LYST: variants seen among roughly 807,000 people sequenced by gnomAD.
LYST encodes the protein lysosomal-trafficking regulator.
A neutral mutation model predicts 413.6 loss-of-function variants in LYST; 192 were observed. The observed-to-expected ratio is 0.46, with a 90% CI of 0.41 to 0.52. The LOEUF is 0.52. Among genes scored for constraint, LYST ranks in the 20% least tolerant of loss-of-function variants. LYST has a pLI of 0.00. For synonymous variants in LYST, 1,525 were observed against 1,567.3 expected (o/e 0.97, Z 0.64); for missense variants, 3,815 against 4,499.9 (o/e 0.85, Z 4.35).
At chr1:235,673,863 C>T (rs1659165665) in intron 50 of LYST, among the ~76,000 whole-genome samples, 1 of 152,148 alleles carries the variant, frequency 6.6e-6, no homozygotes, top group African/African-American at 2.4e-5. Flanking sequence ...AACTGGGTAC[C>T]AAGATATAAA....
chr1:235,870,521 T>TGCC (rs1356149833), upstream of LYST, among the ~76,000 whole-genome samples: 1 of 152,238 alleles, frequency 6.6e-6, no homozygotes, highest in Non-Finnish European at 1.5e-5. Context: ...CTCAGAAGGC[T>TGCC]GCCTGATTCA....
At chr1:235,829,361 T>C (rs1341329987) in intron 3 of LYST, 2 of 152,210 alleles carry the variant, frequency 1.3e-5, no homozygotes, top group Non-Finnish European at 2.9e-5. Context: ...CAAAATGCTT[T>C]CACAGCAAAG....
At chr1:235,720,624 T>C (rs779555122) in intron 40 of LYST, 37 bp downstream of exon 40, 3 of 1,605,080 alleles carry the variant, frequency 1.9e-6, no homozygotes, top group Non-Finnish European at 2.6e-6. Flanking sequence ...AACATATGGA[T>C]GGATGAACCC....
At chr1:235,737,878 A>T (rs981830355) in intron 31 of LYST, 60 of 1,105,896 alleles carry the variant, frequency 5.4e-5, no homozygotes, top group Non-Finnish European at 5.9e-5. Context: ...GACTGACTGT[A>T]TTTAAAGGTA....
intron 46 of LYST, among the ~76,000 whole-genome samples, chr1:235,695,882 G>T (rs974256218): frequency 6.6e-6 from 1 of 151,956 alleles, no homozygotes; most frequent in East Asian, 1.9e-4. Context: ...TGATCTGCCC[G>T]CCTCAGCTTT....
chr1:235,809,811 G>T lies in LYST; in HGVS notation c.1007C>A (p.Ser336Ter). 1 of 1,613,932 alleles carries T rather than the reference G, an allele frequency of 6.2e-7. No homozygotes were observed. Among genetic ancestry groups the T allele is most frequent in the Non-Finnish European group, 8.5e-7 (1 of 1,179,960 alleles). ...CATCTCTGCAGTACTAACATCTACT[G>T]ACAGAAGATGCAACACTGTTCGAAA... ...MLFRTVLHLL[S>*]VDVSTAEMMP... The change falls in exon 5 of 53, where the codon TCA becomes TAA. Residue 336 changes from serine to a stop codon, truncating the protein, a stop_gained. Coordinates refer to ENST00000389793, the MANE Select transcript of LYST (RefSeq NM_000081.4). LOFTEE classifies it high-confidence loss of function. The surrounding 1 kb of genome is among the most constrained non-coding windows in gnomAD (Gnocchi z 4.0).
intron 1 of LYST, among the ~76,000 whole-genome samples, chr1:235,875,881 AG>A (rs1396017327): frequency 6.6e-6 from 1 of 152,116 alleles, no homozygotes; most frequent in Non-Finnish European, 1.5e-5. Flanking sequence ...AATGTACTAA[AG>A]GCATGATCTT....
At chr1:235,692,397 T>A (rs1044562783) in intron 47 of LYST, among the ~76,000 whole-genome samples, 4 of 151,566 alleles carry the variant, frequency 2.6e-5, no homozygotes, top group Admixed American at 6.6e-5. Flanking sequence ...CTTTTTTTTT[T>A]AAGATGGAGT....
upstream of LYST, among the ~76,000 whole-genome samples, chr1:235,867,236 G>C (rs1205840419): frequency 6.6e-6 from 1 of 152,236 alleles, no homozygotes; most frequent in African/African-American, 2.4e-5. Flanking sequence ...GTAGTGGGCT[G>C]CGTCAGACCC....
chr1:235,739,313 G>A (rs1184567225), intron 31 of LYST, among the ~76,000 whole-genome samples: 1 of 152,160 alleles, frequency 6.6e-6, no homozygotes, highest in Non-Finnish European at 1.5e-5. Flanking sequence ...TGCACATGCT[G>A]CAGTTGGCCC....
In LYST at chr1:235,755,533, ATTC is replaced by A; in HGVS notation, c.7171_7173del (p.Glu2391del). 2.5e-6 allele frequency: 4 copies of A among 1,613,816 alleles called. No homozygotes were observed. Among genetic ancestry groups the A allele is most frequent in the Non-Finnish European group, 3.4e-6 (4 of 1,179,686 alleles). ...AACATTTCGATGAAGCATTCTAACA[ATTC>A]TTGAGTTCCTCGATGAAGATACAAC... On this transcript the variant is annotated inframe_deletion, in exon 25 of 53. Transcript: ENST00000389793.
intron 31 of LYST, chr1:235,736,993 G>A (rs1398671754): frequency 4.6e-5 from 7 of 151,618 alleles, no homozygotes; most frequent in Admixed American, 3.9e-4. Flanking sequence ...ACAAAATTAA[G>A]CAAACAAACA....
At chr1:235,694,981 G>A (rs916532943) in intron 46 of LYST, among the ~76,000 whole-genome samples, 1 of 152,194 alleles carries the variant, frequency 6.6e-6, no homozygotes, top group Non-Finnish European at 1.5e-5. Context: ...GATGCAGTGT[G>A]TCTCTTGTGT....
intron 1 of LYST, among the ~76,000 whole-genome samples, chr1:235,866,174 C>G (rs539029901): frequency 1.8e-4 from 27 of 152,292 alleles, no homozygotes; most frequent in African/African-American, 6.3e-4. Flanking sequence ...GCTTATTTAA[C>G]TCATCAGAAG....
intron 48 of LYST, among the ~76,000 whole-genome samples, chr1:235,681,273 A>C (rs1360379344): frequency 6.6e-6 from 1 of 152,020 alleles, no homozygotes; most frequent in Non-Finnish European, 1.5e-5. Flanking sequence ...GGGAAAGGAG[A>C]TATGAAAGAA....
intron 19 of LYST, among the ~76,000 whole-genome samples, chr1:235,771,917 GTTTTTTTTTTTT>G (rs1215590592): frequency 4.1e-5 from 3 of 72,728 alleles, no homozygotes; most frequent in Admixed American, 1.8e-4. Flanking sequence ...TTTTTAGTTT[GTTTTTTTTTTTT>G]TTTTTTTTTT....
intron 31 of LYST, chr1:235,738,971 A>G: frequency 1.4e-6 from 1 of 723,736 alleles, no homozygotes; most frequent in Non-Finnish European, 2.6e-6. Context: ...GGGGGATACA[A>G]AAAGAGCTGC....
chr1:235,730,521 G>GTA lies in LYST; in HGVS notation c.9044+324_9044+325dup, dbSNP rs537844605. Among the ~76,000 whole-genome samples the GTA allele has an allele frequency of 9.8e-4, 147 of 149,806 alleles. 1 individual carries two copies. The highest frequency in any genetic ancestry group is 2.1e-3 in the Admixed American group (31 of 14,974). Reference sequence around the variant, plus strand: ...TATGTGTGTGTATACATATATATGGGTATATATATATGTACCCATATATGT... The same window carrying GTA: ...TATGTGTGTGTATACATATATATGGGTATATATATATATGTACCCATATATGT... On this transcript the variant is annotated intron_variant, in intron 36 of 52. Coordinates refer to ENST00000389793, the MANE Select transcript of LYST (RefSeq NM_000081.4).
chr1:235,841,910 A>C (rs997622749), intron 1 of LYST, among the ~76,000 whole-genome samples: 4 of 152,218 alleles, frequency 2.6e-5, no homozygotes, highest in Non-Finnish European at 5.9e-5. Flanking sequence ...ATTTAGAATA[A>C]TTATTGGAAG....
Sources: gnomAD v4.1 joint callset for allele counts (sites outside exome capture counted in the v4.1 genomes callset) on GRCh38, gnomAD v4.1.1 for gene constraint, Gnocchi (gnomAD v3.1) non-coding constraint, MANE v1.5 for transcripts, NCBI Gene and HGNC (gene_info 2026-07-23, HGNC 2026-07-21) for gene names.